MAP2K6: variants seen among roughly 807,000 people sequenced by gnomAD.
MAP2K6 encodes the protein dual specificity mitogen-activated protein kinase kinase 6.
MAP2K6 carries 16 observed loss-of-function variants against 53.7 expected under a neutral mutation model. That is an observed-to-expected ratio of 0.30 (90% CI 0.20 to 0.45). The LOEUF (loss-of-function observed/expected upper bound fraction) is 0.45. Ranked by LOEUF, MAP2K6 falls within the 20% of genes least tolerant of loss-of-function variation. The pLI is 1.00. For missense variants in MAP2K6, 204 were observed against 411.9 expected (o/e 0.50, Z 4.37); for synonymous variants, 132 against 143.1 (o/e 0.92, Z 0.55).
chr17:69,532,587 A>G (rs1911138538), intron 10 of MAP2K6, among the ~76,000 whole-genome samples: 1 of 152,238 alleles, frequency 6.6e-6, no homozygotes, highest in Non-Finnish European at 1.5e-5. Flanking sequence ...AGTACTTCCT[A>G]CTAAACATGG....
chr17:69,498,215 T>C (rs1274851653), intron 1 of MAP2K6, among the ~76,000 whole-genome samples: 1 of 151,928 alleles, frequency 6.6e-6, no homozygotes, highest in Non-Finnish European at 1.5e-5. Context: ...AACTGGTGGG[T>C]TGTGGGGGAT....
At chr17:69,510,926 A>G (rs548833667) in intron 2 of MAP2K6, among the ~76,000 whole-genome samples, 1 of 146,900 alleles carries the variant, frequency 6.8e-6, no homozygotes, top group East Asian at 2.0e-4. Context: ...TTATTTTCCT[A>G]TTTTCAATTT....
rs1912045909 is a variant in MAP2K6, at chr17:69,550,369, T to C, written c.*8616T>C. The C allele has an allele frequency of 6.6e-6, 1 of 152,190 alleles. No homozygotes were observed. The highest frequency in any genetic ancestry group is 2.4e-5 in the African/African-American group (1 of 41,438). The allele number at this position is 152,190 out of a possible 1,614,324, so 9.4% of individuals were successfully genotyped here. ...AACCTTTTGTTCCAGAGGGCAGACA[T>C]TTTTAAGAAAGGTGAATGTTAGAGA... On this transcript the variant is annotated 3_prime_UTR_variant, in exon 12 of 12. Transcript: ENST00000590474.
Position 69,523,985 on chromosome 17 carries a change from A to T in MAP2K6, c.663+344A>T, listed in dbSNP as rs61758057. ...GCTCACGTTTCTCAGGATCATACAT[A>T]GCACCTTCCTGCTTAGTCCTCGCAC... is the stretch of plus-strand genomic sequence containing the variant. On this transcript the variant is annotated intron_variant, in intron 8 of 11. Transcript: ENST00000590474. Among the ~76,000 whole-genome samples the T allele has an allele frequency of 6.3e-3, 952 of 152,228 alleles. 3 individuals carry two copies. The highest frequency in any genetic ancestry group is 0.01 in the Middle Eastern group (3 of 294).
At chr17:69,532,804 A>G (rs1422128839) in intron 10 of MAP2K6, among the ~76,000 whole-genome samples, 1 of 152,228 alleles carries the variant, frequency 6.6e-6, no homozygotes, top group African/African-American at 2.4e-5. Context: ...ATCAGGGGCC[A>G]TGAGTCAAGG....
At chr17:69,501,646 G>C (rs1330388816) in intron 1 of MAP2K6, 1 of 152,182 alleles carries the variant, frequency 6.6e-6, no homozygotes, top group Non-Finnish European at 1.5e-5. Flanking sequence ...GCGGGTAACA[G>C]GGTCTGATGC....
intron 2 of MAP2K6, among the ~76,000 whole-genome samples, chr17:69,514,488 G>T (rs1423953644): frequency 6.6e-6 from 1 of 152,102 alleles, no homozygotes; most frequent in Non-Finnish European, 1.5e-5. Context: ...ATTCCAAAAG[G>T]ATTTTGAGGT....
rs1472723534 is a variant in MAP2K6 at position 69,552,729 on chromosome 17, A to G, written c.*10976A>G. Reference sequence around the variant, plus strand: ...GTGATAACTTCAATAAGGCCTCAGGATTGTATTTAAAATACCTGTTTTGTG... The same window carrying G: ...GTGATAACTTCAATAAGGCCTCAGGGTTGTATTTAAAATACCTGTTTTGTG... On this transcript the variant is annotated 3_prime_UTR_variant, in exon 12 of 12. Transcript: ENST00000590474. 2.6e-5 allele frequency: 4 copies of G among 152,160 alleles called. No homozygotes were observed. Among genetic ancestry groups the G allele is most frequent in the Non-Finnish European group, 5.9e-5 (4 of 68,030 alleles). The allele number at this position is 152,160 out of a possible 1,614,324, so 9.4% of individuals were successfully genotyped here.
chr17:69,528,192 T>A (rs1422844793), intron 10 of MAP2K6, among the ~76,000 whole-genome samples: 2 of 151,934 alleles, frequency 1.3e-5, no homozygotes, highest in Non-Finnish European at 2.9e-5. Flanking sequence ...GTCTGTTGCT[T>A]GTGAACCTAA....
chr17:69,528,474 G>T (rs1910898801), intron 10 of MAP2K6, among the ~76,000 whole-genome samples: 1 of 152,116 alleles, frequency 6.6e-6, no homozygotes, highest in Admixed American at 6.5e-5. Context: ...TTGCCTTCTG[G>T]ATTCAAAGAC....
intron 1 of MAP2K6, among the ~76,000 whole-genome samples, chr17:69,457,031 C>T (rs1907435572): frequency 6.6e-6 from 1 of 152,166 alleles, no homozygotes; most frequent in Non-Finnish European, 1.5e-5. Context: ...ATATGCTGTT[C>T]CCTTCTAGAA....
intron 1 of MAP2K6, among the ~76,000 whole-genome samples, chr17:69,478,744 C>T (rs1424891683): frequency 6.6e-6 from 1 of 152,084 alleles, no homozygotes; most frequent in Non-Finnish European, 1.5e-5. Context: ...ACTTTCAAGG[C>T]GTAGTGTATA....
intron 1 of MAP2K6, among the ~76,000 whole-genome samples, chr17:69,445,614 G>T (rs1401892693): frequency 6.6e-6 from 1 of 152,016 alleles, no homozygotes; most frequent in Non-Finnish European, 1.5e-5. Flanking sequence ...ACTACCAGTT[G>T]GTGAACCCAA....
intron 2 of MAP2K6, among the ~76,000 whole-genome samples, chr17:69,509,930 C>T (rs181550898): frequency 1.1e-3 from 161 of 152,218 alleles, no homozygotes; most frequent in Admixed American, 2.2e-3. Context: ...CAGTCTCAGC[C>T]TCCCCTGGCT....
At chr17:69,517,146 C>T (rs1910192062) in intron 3 of MAP2K6, among the ~76,000 whole-genome samples, 1 of 151,004 alleles carries the variant, frequency 6.6e-6, no homozygotes, top group Admixed American at 6.7e-5. Flanking sequence ...GGGCATTTCT[C>T]AAAGCTCAGA....
intron 1 of MAP2K6, among the ~76,000 whole-genome samples, chr17:69,496,760 C>A (rs1169331483): frequency 6.6e-6 from 1 of 152,022 alleles, no homozygotes; most frequent in Non-Finnish European, 1.5e-5. Flanking sequence ...TTCCTCCTGT[C>A]CCTCTCTTAA....
chr17:69,473,118 C>T (rs921880447), intron 1 of MAP2K6, among the ~76,000 whole-genome samples: 5 of 151,998 alleles, frequency 3.3e-5, no homozygotes, highest in African/African-American at 1.2e-4. Flanking sequence ...AGAAATATGC[C>T]GTAGGAAACT....
At position 69,414,766 on chromosome 17, in the gene MAP2K6, C is replaced by A. The variant is rs1905846102; in HGVS notation, c.-219C>A. 1.3e-5 allele frequency: 7 copies of A among 528,654 alleles called. No homozygotes were observed. In the South Asian group the frequency reaches 1.7e-4, roughly 13 times the overall value. 32.7% of individuals were successfully genotyped at this position (528,654 alleles called of 1,614,324 possible). ...GTAGCTGCAGCACAGCCTTCCCTAA[C>A]GTTGCAACTGGGGGAAAAATCACTT... is the stretch of plus-strand genomic sequence containing the variant. On this transcript the variant is annotated 5_prime_UTR_variant, in exon 1 of 12. Transcript: ENST00000590474.
At chr17:69,531,385 A>G (rs1316987344) in intron 10 of MAP2K6, among the ~76,000 whole-genome samples, 2 of 152,212 alleles carry the variant, frequency 1.3e-5, no homozygotes, top group East Asian at 1.9e-4. Context: ...ACCCGTGCCA[A>G]GGAATCAACT....
Sources: gnomAD v4.1 joint callset for allele counts (sites outside exome capture counted in the v4.1 genomes callset) on GRCh38, gnomAD v4.1.1 for gene constraint, MANE v1.5 for transcripts, NCBI Gene and HGNC (gene_info 2026-07-23, HGNC 2026-07-21) for gene names.